MYT1L: variants seen among roughly 807,000 people sequenced by gnomAD.
MYT1L encodes the protein myelin transcription factor 1-like protein.
In MYT1L, 12 loss-of-function variants were observed where a neutral mutation model predicts 126.7. That is an observed-to-expected ratio of 0.09 (90% CI 0.06 to 0.15). The LOEUF is 0.15. Ranked by LOEUF, MYT1L falls within the 10% of genes least tolerant of loss-of-function variation. The pLI is 1.00. For synonymous variants in MYT1L, 541 were observed against 604.2 expected (o/e 0.90, Z 1.53); for missense variants, 979 against 1,585.2 (o/e 0.62, Z 6.49).
intron 4 of MYT1L, among the ~76,000 whole-genome samples, chr2:2,034,367 G>A (rs2066781142): frequency 1.0e-5 from 1 of 99,228 alleles, no homozygotes; most frequent in Admixed American, 1.0e-4. Flanking sequence ...TCCAATGCGG[G>A]TGCAGAAGAG....
At chr2:2,267,212 C>T (rs886429933) in intron 2 of MYT1L, among the ~76,000 whole-genome samples, 4 of 152,214 alleles carry the variant, frequency 2.6e-5, no homozygotes, top group South Asian at 2.1e-4. Context: ...AAAGGAGCAA[C>T]AGCCCTGTGC....
rs111206469 is a variant in MYT1L, at chr2:1,956,465, A to G, written c.153-13131T>C. Among the ~76,000 whole-genome samples the G allele has an allele frequency of 8.7e-3, 990 of 114,172 alleles. 66 individuals carry two copies. The highest frequency in any genetic ancestry group is 0.031 in the African/African-American group (686 of 22,058). 74.9% of individuals were successfully genotyped at this position (114,172 alleles called of 152,430 possible). A position where few individuals can be genotyped will look rare whatever the true frequency, so the allele number is the denominator to read the frequency against. On this transcript the variant is annotated intron_variant, in intron 8 of 24. Coordinates refer to ENST00000647738, the MANE Select transcript of MYT1L (RefSeq NM_001303052.2). ...ACCTATCATCTATCTATCCTATTCTATATTTCCTATTCTTTCTATGTGTCC... is the reference window on the plus strand; with the variant it reads ...ACCTATCATCTATCTATCCTATTCTGTATTTCCTATTCTTTCTATGTGTCC...
chr2:2,189,205 C>T (rs1023303909), intron 2 of MYT1L, among the ~76,000 whole-genome samples: 4 of 152,204 alleles, frequency 2.6e-5, no homozygotes, highest in Admixed American at 1.3e-4. Context: ...ATGCCGCCAC[C>T]GCAGCGTAAG....
intron 18 of MYT1L, among the ~76,000 whole-genome samples, chr2:1,876,375 T>C (rs1454674757): frequency 3.3e-5 from 5 of 152,030 alleles, no homozygotes. Flanking sequence ...CTTCGTGCCA[T>C]CCGTGCCCAG....
chr2:2,201,647 G>C (rs1443655617), intron 2 of MYT1L, among the ~76,000 whole-genome samples: 1 of 151,314 alleles, frequency 6.6e-6, no homozygotes, highest in Non-Finnish European at 1.5e-5. Context: ...GCAGGGAGTT[G>C]AGATTGCACC....
At chr2:1,826,856 G>C in intron 21 of MYT1L, 1 of 151,838 alleles carries the variant, frequency 6.6e-6, no homozygotes, top group Non-Finnish European at 1.5e-5. Flanking sequence ...AGCATGGGGT[G>C]GGGGTCGGGA....
At chr2:2,301,653 A>AC (rs1224726034) in intron 1 of MYT1L, among the ~76,000 whole-genome samples, 7 of 151,842 alleles carry the variant, frequency 4.6e-5, no homozygotes, top group Non-Finnish European at 1.5e-5. Flanking sequence ...TTATAGTGAG[A>AC]CCCCATCTCT....
chr2:1,866,587 CAGAG>C (rs1479913668), intron 18 of MYT1L, among the ~76,000 whole-genome samples: 1 of 57,444 alleles, frequency 1.7e-5, no homozygotes. Flanking sequence ...GAGAGGCAGG[CAGAG>C]AGAGAGGGAG....
At chr2:1,953,423 T>TC (rs530709331) in intron 8 of MYT1L, among the ~76,000 whole-genome samples, 150 of 152,342 alleles carry the variant, frequency 9.8e-4, no homozygotes, top group African/African-American at 3.4e-3. Flanking sequence ...TGCTGGAATT[T>TC]TCTCTCCTAC....
intron 3 of MYT1L, among the ~76,000 whole-genome samples, chr2:2,072,695 C>A (rs2074746883): frequency 7.2e-6 from 1 of 139,550 alleles, no homozygotes; most frequent in East Asian, 1.9e-4. Context: ...ATCATGGGGA[C>A]AGTTTCCCCA....
intron 2 of MYT1L, among the ~76,000 whole-genome samples, chr2:2,279,104 T>C (rs1274454807): frequency 1.3e-5 from 2 of 152,142 alleles, no homozygotes; most frequent in East Asian, 3.9e-4. Context: ...ATTCTTAAAA[T>C]AAAAGGAGAG....
chr2:2,299,880 A>G (rs1290248443), intron 1 of MYT1L, among the ~76,000 whole-genome samples: 1 of 152,214 alleles, frequency 6.6e-6, no homozygotes, highest in Non-Finnish European at 1.5e-5. Flanking sequence ...CTTTGGCACT[A>G]GATCATCTTC....
chr2:1,883,723 G>A (rs1272120477), intron 18 of MYT1L, among the ~76,000 whole-genome samples: 1 of 152,152 alleles, frequency 6.6e-6, no homozygotes, highest in Non-Finnish European at 1.5e-5. Flanking sequence ...CAGGCACAGA[G>A]GCTTTCGGAA....
At chr2:1,843,704 G>T (rs868021612) in intron 19 of MYT1L, among the ~76,000 whole-genome samples, 20 of 152,132 alleles carry the variant, frequency 1.3e-4, no homozygotes, top group African/African-American at 4.6e-4. Flanking sequence ...CATCTCCCCA[G>T]ATGTAGGATT....
intron 1 of MYT1L, among the ~76,000 whole-genome samples, chr2:2,317,380 T>A (rs1337109401): frequency 2.0e-5 from 3 of 152,148 alleles, no homozygotes; most frequent in African/African-American, 7.2e-5. Flanking sequence ...CATGTGAAGA[T>A]GCCAAACACG....
chr2:1,921,804 G>A (rs1236193878), intron 10 of MYT1L, among the ~76,000 whole-genome samples: 4 of 152,094 alleles, frequency 2.6e-5, no homozygotes, highest in African/African-American at 4.8e-5. Flanking sequence ...TGTTTTCTAC[G>A]AGGGCAGTTT....
chr2:1,875,393 C>T (rs1207926346), intron 18 of MYT1L, among the ~76,000 whole-genome samples: 1 of 152,206 alleles, frequency 6.6e-6, no homozygotes, highest in Admixed American at 6.5e-5. Flanking sequence ...AAGGGCGTGA[C>T]GTGGTCCTTG....
At chr2:2,243,958 C>T (rs968766391) in intron 2 of MYT1L, among the ~76,000 whole-genome samples, 10 of 152,198 alleles carry the variant, frequency 6.6e-5, no homozygotes, top group Non-Finnish European at 1.0e-4. Context: ...GGATTGGCAG[C>T]GCACACTGAC....
At chr2:2,254,081 G>A (rs1056605075) in intron 2 of MYT1L, among the ~76,000 whole-genome samples, 3 of 152,154 alleles carry the variant, frequency 2.0e-5, no homozygotes, top group Non-Finnish European at 2.9e-5. Flanking sequence ...CACCGTGGCC[G>A]TGGCGTTACT....
Sources: allele counts gnomAD v4.1 joint callset (sites outside exome capture counted in the v4.1 genomes callset), GRCh38; gene constraint gnomAD v4.1.1; transcripts MANE v1.5; gene names NCBI Gene and HGNC (gene_info 2026-07-23, HGNC 2026-07-21).